ABCA3: variants seen among roughly 807,000 people sequenced by gnomAD.
ABCA3 encodes ATP binding cassette subfamily A member 3, also known as phospholipid-transporting ATPase ABCA3.
In ABCA3, 88 loss-of-function variants were observed where a neutral mutation model predicts 172.8. The observed-to-expected ratio is 0.51, with a 90% CI of 0.43 to 0.61. ABCA3 has a LOEUF of 0.61. Ranked by LOEUF, ABCA3 falls within the 20% of genes least tolerant of loss-of-function variation. The pLI is 0.00. For synonymous variants in ABCA3, 1,066 were observed against 983.8 expected (o/e 1.08, Z -1.56); for missense variants, 2,164 against 2,301.0 (o/e 0.94, Z 1.22).
At chr16:2,313,805 G>A (rs1177263984) in intron 10 of ABCA3, among the ~76,000 whole-genome samples, 2 of 150,872 alleles carry the variant, frequency 1.3e-5, no homozygotes, top group African/African-American at 2.4e-5. Flanking sequence ...TGAGGCAGGA[G>A]AATCACTTGA....
intron 11 of ABCA3, among the ~76,000 whole-genome samples, chr16:2,304,825 G>A (rs879637449): frequency 3.3e-5 from 5 of 152,034 alleles, no homozygotes; most frequent in South Asian, 4.1e-4. Context: ...ACAGGCGCCC[G>A]CCACCGTGCC....
chr16:2,338,380 C>T (rs1430038857), intron 1 of ABCA3, among the ~76,000 whole-genome samples: 2 of 152,216 alleles, frequency 1.3e-5, no homozygotes, highest in African/African-American at 4.8e-5. Context: ...CCATCACTTC[C>T]CAGCCCACTT....
At chr16:2,306,939 C>T (rs1252606567) in intron 11 of ABCA3, among the ~76,000 whole-genome samples, 1 of 145,756 alleles carries the variant, frequency 6.9e-6, no homozygotes, top group Non-Finnish European at 1.5e-5. Flanking sequence ...GGCATGAACC[C>T]GGGAGGCGGA....
Position 2,279,267 on chromosome 16 carries a change from G to T in ABCA3, c.4360-137C>A. On this transcript the variant is annotated intron_variant, in intron 28 of 32. Transcript: ENST00000301732. The surrounding 1 kb of genome is among the most constrained non-coding windows in gnomAD (Gnocchi z 4.4). ...CCTGCCAGTGTGTGTACACGGGGGC[G>T]CTGGAGCTATGCACAGGCCGTGGTG... 1 of 1,014,432 alleles carries T rather than the reference G, an allele frequency of 9.9e-7. No homozygotes were observed. The highest frequency in any genetic ancestry group is 1.5e-6 in the Non-Finnish European group (1 of 684,714). 62.8% of individuals were successfully genotyped at this position (1,014,432 alleles called of 1,614,324 possible).
Position 2,277,536 on chromosome 16 carries a change from C to T in ABCA3, c.4983+61G>A. 4 of 1,548,134 alleles carry T rather than the reference C, an allele frequency of 2.6e-6. No homozygotes were observed. Among genetic ancestry groups the T allele is most frequent in the Non-Finnish European group, 3.6e-6 (4 of 1,125,412 alleles). On this transcript the variant is annotated intron_variant, in intron 32 of 32. Transcript: ENST00000301732. The surrounding 1 kb of genome is among the most constrained non-coding windows in gnomAD (Gnocchi z 5.3). ...CCTGCAGTCACCACAGAGGGAGAGACCCCTGGAGGGACCTCCCCCTGCCCC... is the reference window on the plus strand; with the variant it reads ...CCTGCAGTCACCACAGAGGGAGAGATCCCTGGAGGGACCTCCCCCTGCCCC...
intron 18 of ABCA3, among the ~76,000 whole-genome samples, chr16:2,292,695 G>A (rs973653556): frequency 1.3e-5 from 2 of 152,104 alleles, no homozygotes; most frequent in African/African-American, 2.4e-5. Flanking sequence ...CGAGGTGGGC[G>A]AATTGCCTGA....
chr16:2,282,345 T>C (rs1156719392), intron 26 of ABCA3, among the ~76,000 whole-genome samples: 1 of 152,118 alleles, frequency 6.6e-6, no homozygotes, highest in Non-Finnish European at 1.5e-5. Flanking sequence ...GTGATCCACC[T>C]ACCTCTGCTT....
In ABCA3 at chr16:2,277,711, G is replaced by A; in HGVS notation, c.4910-41C>T. 6.2e-7 allele frequency: 1 copy of A among 1,610,104 alleles called. No individual in the cohort carries two copies. The highest frequency in any genetic ancestry group is 8.5e-7 in the Non-Finnish European group (1 of 1,178,266). On this transcript the variant is annotated intron_variant, in intron 31 of 32. Coordinates refer to ENST00000301732, the MANE Select transcript of ABCA3 (RefSeq NM_001089.3). The surrounding 1 kb of genome is among the most constrained non-coding windows in gnomAD (Gnocchi z 5.3). The stretch of plus-strand genomic sequence containing the variant: ...ACGGTGTTGCTGTGAGCGCCGGGCT[G>A]GAGGATCGGGGAGGGTGCCTGGGTG...
intron 7 of ABCA3, 180 bp downstream of exon 7, chr16:2,323,343 G>A (rs1171233468): frequency 5.3e-6 from 4 of 758,196 alleles, no homozygotes; most frequent in Non-Finnish European, 9.1e-6. Flanking sequence ...CTGCTATAAG[G>A]ACACATGCAC....
At chr16:2,324,678 T>C in intron 5 of ABCA3, 147 bp from the exon 6 acceptor site, 1 of 1,271,176 alleles carries the variant, frequency 7.9e-7, no homozygotes, top group Non-Finnish European at 1.1e-6. Context: ...AGCTTTCATC[T>C]TTGGCAGAGA....
intron 1 of ABCA3, among the ~76,000 whole-genome samples, chr16:2,339,639 G>A (rs773580791): frequency 2.0e-4 from 31 of 152,192 alleles, no homozygotes; most frequent in Non-Finnish European, 4.0e-4. Context: ...GCTGTCGCGG[G>A]GTCTCGGCTA....
At chr16:2,324,615 T>C in intron 5 of ABCA3, 84 bp from the exon 6 acceptor site, 1 of 1,584,312 alleles carries the variant, frequency 6.3e-7, no homozygotes, top group East Asian at 2.2e-5. Flanking sequence ...CACTGGCAGA[T>C]GAAAGACGGC....
At position 2,317,367 on chromosome 16, in the gene ABCA3, G is replaced by C. The variant is rs376521962; in HGVS notation, c.1027C>G (p.Pro343Ala). The C allele has an allele frequency of 2.2e-5, 35 of 1,613,916 alleles. No homozygotes were observed. The highest frequency in any genetic ancestry group is 3.3e-5 in the Admixed American group (2 of 59,994). ...PNVAVLSRSDPSLVLAFLLCF... is the reference protein window; with the variant it reads ...PNVAVLSRSDASLVLAFLLCF... ...AGCAGGAAGGCGAGCACCAGGGAGGGGTCGCTGCGGGACAGCACGGCTACA... is the reference window on the plus strand; with the variant it reads ...AGCAGGAAGGCGAGCACCAGGGAGGCGTCGCTGCGGGACAGCACGGCTACA... Residue 343 changes from proline (P) to alanine (A), a missense_variant, in exon 10 of 33, where the codon CCC becomes GCC. Pro to Ala is a conservative substitution (Grantham distance 27). Transcript: ENST00000301732.
Position 2,285,422 on chromosome 16 carries a change from C to A in ABCA3, c.3483+20G>T. The stretch of plus-strand genomic sequence containing the variant: ...TCTGCGGTCTGCAGGGGAACGGATC[C>A]AGCACCCTCCGGCGCTCACCAGCAG... On this transcript the variant is annotated intron_variant, in intron 23 of 32. Coordinates refer to ENST00000301732, the MANE Select transcript of ABCA3 (RefSeq NM_001089.3). This position sits in a 1 kb window ranked among gnomAD's most constrained non-coding sequence, Gnocchi z 4.7. The A allele has an allele frequency of 6.3e-7, 1 of 1,595,068 alleles. No individual in the cohort carries two copies. Among genetic ancestry groups the A allele is most frequent in the Admixed American group, 1.7e-5 (1 of 57,264 alleles).
intron 7 of ABCA3, among the ~76,000 whole-genome samples, chr16:2,321,631 T>C (rs888650287): frequency 3.9e-5 from 6 of 152,096 alleles, no homozygotes; most frequent in Non-Finnish European, 8.8e-5. Flanking sequence ...GAGTCACTTC[T>C]TGGCTGTCCC....
intron 1 of ABCA3, chr16:2,332,317 C>T (rs930811383): frequency 7.2e-5 from 50 of 699,216 alleles, no homozygotes; most frequent in Non-Finnish European, 1.2e-4. Context: ...ATGGGCTTAT[C>T]GGTAGGATTT....
chr16:2,338,879 T>C (rs1363168921), intron 1 of ABCA3, among the ~76,000 whole-genome samples: 1 of 151,372 alleles, frequency 6.6e-6, no homozygotes, highest in African/African-American at 2.4e-5. Context: ...CTCAGCCTCC[T>C]GAGTAGCTGG....
At chr16:2,308,646 G>A in intron 10 of ABCA3, 23 bp from the exon 11 acceptor site, 1 of 1,613,238 alleles carries the variant, frequency 6.2e-7, no homozygotes, top group South Asian at 1.1e-5. Context: ...GAAGACCCGG[G>A]GGGCGTGAGC....
chr16:2,327,842 T>G (rs922018794), intron 3 of ABCA3, among the ~76,000 whole-genome samples: 1 of 152,194 alleles, frequency 6.6e-6, no homozygotes, highest in Non-Finnish European at 1.5e-5. Flanking sequence ...TACCCCAGCC[T>G]CCTGAGTAAC....
Sources: allele counts gnomAD v4.1 joint callset (sites outside exome capture counted in the v4.1 genomes callset), GRCh38; gene constraint gnomAD v4.1.1; non-coding constraint Gnocchi (gnomAD v3.1); transcripts MANE v1.5; gene names NCBI Gene and HGNC (gene_info 2026-07-23, HGNC 2026-07-21).